The following TMPRSS11F variants were observed in gnomAD, a reference collection of about 807,000 sequenced individuals.
The protein encoded by TMPRSS11F is transmembrane protease serine 11F.
Under a neutral mutation model 60.2 loss-of-function variants are expected in TMPRSS11F, and 47 were observed. That is an observed-to-expected ratio of 0.78 (90% CI 0.62 to 1.00). TMPRSS11F has a LOEUF of 1.00. Ranked by LOEUF, TMPRSS11F falls within the 50% of genes least tolerant of loss-of-function variation. The pLI is 0.00. For missense variants in TMPRSS11F, 519 were observed against 522.9 expected, an observed-to-expected ratio of 0.99 and a Z score of 0.07; for synonymous variants, 166 against 167.3, an observed-to-expected ratio of 0.99 and a Z score of 0.06.
At chr4:68,055,354 A>AT (rs1210285921) in intron 9 of TMPRSS11F, among the ~76,000 whole-genome samples, 1 of 152,186 alleles carries the variant, frequency 6.6e-6, no homozygotes, top group Non-Finnish European at 1.5e-5. Context: ...TGAGAGGAGC[A>AT]TAAGAGTAAA....
At chr4:68,127,359 G>T (rs190660837) in intron 1 of TMPRSS11F, among the ~76,000 whole-genome samples, 119 of 151,974 alleles carry the variant, frequency 7.8e-4, no homozygotes, top group Non-Finnish European at 1.6e-3. Context: ...TTGTTTTTTC[G>T]CATTGATCAC....
At chr4:68,067,381 T>G (rs1723352560) in intron 7 of TMPRSS11F, among the ~76,000 whole-genome samples, 1 of 152,242 alleles carries the variant, frequency 6.6e-6, no homozygotes, top group Admixed American at 6.5e-5. Flanking sequence ...CCCATGTAGG[T>G]CTGTGAGTAC....
chr4:68,064,981 A>G lies in TMPRSS11F; in HGVS notation c.756-37T>C, dbSNP rs1027532969. ...TAAAAAGTAATACTTGTGATGCTTG[A>G]CTTAATTCTGTAAAAAAGACTGAGA... On this transcript the variant is annotated intron_variant, in intron 7 of 9. Transcript: ENST00000356291. 3.2e-6 allele frequency: 5 copies of G among 1,567,376 alleles called. No homozygotes were observed. In the African/African-American group the frequency reaches 5.4e-5, roughly 17 times the overall value.
In TMPRSS11F at chr4:68,099,135, C is replaced by T. The variant is rs1724138577; in HGVS notation, c.12-97G>A. 3 of 1,076,674 alleles carry T rather than the reference C, an allele frequency of 2.8e-6. No homozygotes were observed. In the South Asian group the frequency reaches 5.0e-5, roughly 18 times the overall value. The allele number at this position is 1,076,674 out of a possible 1,614,324, so 66.7% of individuals were successfully genotyped here. Reference sequence around the variant, plus strand: ...TCCTCTATGAAAATAGTTTATACTGCTAAATAACAGTGAGCAACTTAGACC... The same window carrying T: ...TCCTCTATGAAAATAGTTTATACTGTTAAATAACAGTGAGCAACTTAGACC... On this transcript the variant is annotated intron_variant, in intron 1 of 9. Coordinates refer to ENST00000356291, the MANE Select transcript of TMPRSS11F (RefSeq NM_207407.2).
At chr4:68,072,250 T>TATATATA (rs537020566) in intron 5 of TMPRSS11F, 73 bp downstream of exon 5, 31 of 224,044 alleles carry the variant, frequency 1.4e-4, no homozygotes, top group Non-Finnish European at 2.0e-4. Context: ...TATATATATA[T>TATATATA]TGCTTACAAA....
At position 68,129,830 on chromosome 4, in the gene TMPRSS11F, A is replaced by G. The variant is rs1267346342; in HGVS notation, c.-10T>C. ...CTTACGCGTACATCATGAACCCAGGACTGGGGCAGCTTCTATTCAGTCACC... is the reference window on the plus strand; with the variant it reads ...CTTACGCGTACATCATGAACCCAGGGCTGGGGCAGCTTCTATTCAGTCACC... On this transcript the variant is annotated 5_prime_UTR_variant, in exon 1 of 10. Coordinates refer to ENST00000356291, the MANE Select transcript of TMPRSS11F (RefSeq NM_207407.2). 1 of 1,613,328 alleles carries G rather than the reference A, an allele frequency of 6.2e-7. No homozygotes were observed. The highest frequency in any genetic ancestry group is 1.3e-5 in the African/African-American group (1 of 74,912).
chr4:68,119,208 A>C (rs1389752767), intron 1 of TMPRSS11F, among the ~76,000 whole-genome samples: 1 of 152,036 alleles, frequency 6.6e-6, no homozygotes, highest in African/African-American at 2.4e-5. Flanking sequence ...TTATTCTATA[A>C]AAGCTGAGAG....
chr4:68,126,081 CTTAA>C (rs1285691237), intron 1 of TMPRSS11F, among the ~76,000 whole-genome samples: 1 of 152,046 alleles, frequency 6.6e-6, no homozygotes, highest in African/African-American at 2.4e-5. Context: ...TATATATTTG[CTTAA>C]TTATTTATCA....
chr4:68,059,266 A>G (rs569568171), intron 9 of TMPRSS11F, 60 bp downstream of exon 9: 21 of 1,580,648 alleles, frequency 1.3e-5, no homozygotes, highest in Non-Finnish European at 1.8e-5. Context: ...TATATGCCAA[A>G]CTCAGAAATA....
At chr4:68,112,417 C>T (rs1422571736) in intron 1 of TMPRSS11F, among the ~76,000 whole-genome samples, 2 of 152,090 alleles carry the variant, frequency 1.3e-5, no homozygotes, top group Admixed American at 1.3e-4. Context: ...TAATGCCAAA[C>T]CTATTTGGGG....
At chr4:68,107,720 C>T (rs180908065) in intron 1 of TMPRSS11F, among the ~76,000 whole-genome samples, 10 of 152,162 alleles carry the variant, frequency 6.6e-5, no homozygotes, top group Admixed American at 1.3e-4. Flanking sequence ...GGGCAGATCA[C>T]GAGGTCAAGA....
At chr4:68,086,283 A>G (rs1216160342) in intron 3 of TMPRSS11F, among the ~76,000 whole-genome samples, 3 of 151,732 alleles carry the variant, frequency 2.0e-5, no homozygotes, top group African/African-American at 7.3e-5. Context: ...CCTTTGGGTA[A>G]ACAACAAATT....
intron 3 of TMPRSS11F, among the ~76,000 whole-genome samples, chr4:68,084,456 A>G (rs1475641392): frequency 6.6e-6 from 1 of 152,216 alleles, no homozygotes; most frequent in Non-Finnish European, 1.5e-5. Context: ...GAACCTAATC[A>G]GGCCATCTCA....
chr4:68,058,408 A>C (rs1402732570), intron 9 of TMPRSS11F, among the ~76,000 whole-genome samples: 1 of 152,228 alleles, frequency 6.6e-6, no homozygotes, highest in African/African-American at 2.4e-5. Context: ...AGAAGCTGGA[A>C]GAAAGGAAAT....
chr4:68,065,365 G>A (rs1326997620), intron 7 of TMPRSS11F, among the ~76,000 whole-genome samples: 3 of 152,240 alleles, frequency 2.0e-5, no homozygotes, highest in Middle Eastern at 6.8e-3. Context: ...GAAGTGAAGC[G>A]TAATTTGTCT....
rs1327018295 is a variant in TMPRSS11F at position 68,072,224 on chromosome 4, AAAAAAAATAT to A, written c.514+89_514+98del. 303 of 40,400 alleles carry A rather than the reference AAAAAAAATAT, an allele frequency of 7.5e-3. 33 individuals are homozygous for A. The highest frequency in any genetic ancestry group is 0.026 in the African/African-American group (233 of 8,846). 2.5% of individuals were successfully genotyped at this position (40,400 alleles called of 1,614,324 possible). A position where few individuals can be genotyped will look rare whatever the true frequency, so the allele number is the denominator to read the frequency against. ...TTATATATATATATATATCTTCCAA[AAAAAAAATAT>A]ATATATATATATATATTGCTTACAA... On this transcript the variant is annotated intron_variant, in intron 5 of 9. Transcript: ENST00000356291.
intron 1 of TMPRSS11F, among the ~76,000 whole-genome samples, chr4:68,108,233 A>T (rs1050987160): frequency 5.9e-5 from 9 of 152,292 alleles, no homozygotes; most frequent in Non-Finnish European, 8.8e-5. Flanking sequence ...ACAGAAAGAG[A>T]AGAGTTAAGG....
rs946792642 is a variant in TMPRSS11F, at chr4:68,053,655, G to T, written c.*254C>A. On this transcript the variant is annotated 3_prime_UTR_variant, in exon 10 of 10. Coordinates refer to ENST00000356291, the MANE Select transcript of TMPRSS11F (RefSeq NM_207407.2). ...AACCACTTATTTATCTTATTAGGAA[G>T]TATCACAAGCAGTTTCCCTTGTGAG... 2 of 345,828 alleles carry T rather than the reference G, an allele frequency of 5.8e-6. No homozygotes were observed. The highest frequency in any genetic ancestry group is 4.5e-5 in the East Asian group (1 of 22,264). The allele number at this position is 345,828 out of a possible 1,614,324, so 21.4% of individuals were successfully genotyped here.
intron 1 of TMPRSS11F, among the ~76,000 whole-genome samples, chr4:68,112,312 A>G (rs1188780601): frequency 6.6e-6 from 1 of 151,940 alleles, no homozygotes; most frequent in East Asian, 1.9e-4. Flanking sequence ...CTACTTCCCT[A>G]CACTCAAATC....
Sources: gnomAD v4.1 joint callset for allele counts (sites outside exome capture counted in the v4.1 genomes callset) on GRCh38, gnomAD v4.1.1 for gene constraint, MANE v1.5 for transcripts, NCBI Gene and HGNC (gene_info 2026-07-23, HGNC 2026-07-21) for gene names.